The following GADD45A variants were observed in gnomAD, a reference collection of about 807,000 sequenced individuals.
GADD45A encodes the protein growth arrest and DNA damage-inducible protein GADD45 alpha.
In GADD45A, 9 loss-of-function variants were observed where a neutral mutation model predicts 17.7. The observed-to-expected ratio is 0.51, with a 90% CI of 0.31 to 0.89. The LOEUF is 0.89. Ranked by LOEUF, GADD45A falls within the 40% of genes least tolerant of loss-of-function variation. The probability of loss-of-function intolerance (pLI) is 0.05; values close to 1 mark genes in which losing one functional copy is unlikely to be tolerated. For missense variants in GADD45A, 149 were observed against 220.6 expected, an observed-to-expected ratio of 0.68 and a Z score of 2.06; for synonymous variants, 95 against 92.2, an observed-to-expected ratio of 1.03 and a Z score of -0.17.
chr1:67,685,202 G>A lies in GADD45A; in HGVS notation c.-293G>A. ...GGAGAGCGGGGCCCTTTGTCCTCCAGTGGCTGGTAGGCAGTGGCTGGGAGG... is the reference window on the plus strand; with the variant it reads ...GGAGAGCGGGGCCCTTTGTCCTCCAATGGCTGGTAGGCAGTGGCTGGGAGG... On this transcript the variant is annotated 5_prime_UTR_variant, in exon 1 of 4. It adds an upstream start codon to the 5' untranslated region. Coordinates refer to ENST00000370986, the MANE Select transcript of GADD45A (RefSeq NM_001924.4). 4.5e-6 allele frequency: 2 copies of A among 445,692 alleles called. No individual in the cohort carries two copies. Among genetic ancestry groups the A allele is most frequent in the Non-Finnish European group, 7.9e-6 (2 of 251,874 alleles). 27.6% of individuals were successfully genotyped at this position (445,692 alleles called of 1,614,324 possible). A position where few individuals can be genotyped will look rare whatever the true frequency, so the allele number is the denominator to read the frequency against.
At chr1:67,685,591 C>T (rs1171499673) in intron 1 of GADD45A, 53 bp downstream of exon 1, 1 of 1,553,972 alleles carries the variant, frequency 6.4e-7, no homozygotes, top group Non-Finnish European at 8.8e-7. Context: ...CTACCCCGCG[C>T]TCCCCGGTGC....
chr1:67,686,396 G>A lies in GADD45A; in HGVS notation c.193G>A (p.Asp65Asn). The change falls in exon 3 of 4, where the codon GAC becomes AAC. Residue 65 changes from aspartate (D) to asparagine (N), a missense_variant. Physicochemically the swap from Asp to Asn is conservative, Grantham distance 23. Transcript: ENST00000370986. ...VLCLLAADED[D>N]DRDVALQIHF... ...GTGCCTGCTGGCGGCGGACGAGGAC[G>A]ACGACAGAGATGTGGCTCTGCAGAT... The A allele has an allele frequency of 1.2e-6, 2 of 1,613,594 alleles. No individual in the cohort carries two copies. The highest frequency in any genetic ancestry group is 8.5e-7 in the Non-Finnish European group (1 of 1,179,812).
intron 3 of GADD45A, 81 bp from the exon 4 acceptor site, chr1:67,687,580 C>G: frequency 2.4e-6 from 2 of 847,532 alleles, no homozygotes. Flanking sequence ...ATAGAATGTT[C>G]AAGTGTTTTC....
At position 67,686,125 on chromosome 1, in the gene GADD45A, G is replaced by A. The variant is rs1484801582; in HGVS notation, c.145G>A (p.Val49Ile). Residue 49 changes from valine to isoleucine, a missense_variant and splice_region_variant, in exon 2 of 4, where the codon GTC (valine) becomes ATC (isoleucine). Physicochemically the swap from Val to Ile is conservative, Grantham distance 29. Transcript: ENST00000370986. ...GTACGAAGCGGCCAAGCTGCTCAACGTGTAAGTGGGGCCCTTGCGCGTCCC... is the reference window on the plus strand; with the variant it reads ...GTACGAAGCGGCCAAGCTGCTCAACATGTAAGTGGGGCCCTTGCGCGTCCC... Reference protein sequence around the residue: ...GVYEAAKLLNVDPDNVVLCLL... With the variant: ...GVYEAAKLLNIDPDNVVLCLL... 1.2e-6 allele frequency: 2 copies of A among 1,608,248 alleles called. No individual in the cohort carries two copies. The highest frequency in any genetic ancestry group is 8.5e-7 in the Non-Finnish European group (1 of 1,176,846).
rs781106505 is a variant in GADD45A, at chr1:67,685,571, C to A, written c.44+33C>A. The A allele has an allele frequency of 1.2e-5, 19 of 1,586,084 alleles. No individual in the cohort carries two copies. The South Asian group carries it at 1.5e-4, about 12-fold the overall frequency. Reference sequence around the variant, plus strand: ...GGCCTGCGGACTCTTCCGGCCCGAACTTCTCTTACCTACCCCGCGCTCCCC... The same window carrying A: ...GGCCTGCGGACTCTTCCGGCCCGAAATTCTCTTACCTACCCCGCGCTCCCC... On this transcript the variant is annotated intron_variant, in intron 1 of 3. Coordinates refer to ENST00000370986, the MANE Select transcript of GADD45A (RefSeq NM_001924.4).
intron 1 of GADD45A, 121 bp downstream of exon 1, chr1:67,685,659 C>G: frequency 1.1e-6 from 1 of 938,326 alleles, no homozygotes; most frequent in Non-Finnish European, 1.7e-6. Context: ...CAGGGCAACT[C>G]CCGCCCTTGC....
Position 67,685,387 on chromosome 1 carries a change from C to G in GADD45A, c.-108C>G. On this transcript the variant is annotated 5_prime_UTR_variant, in exon 1 of 4. Transcript: ENST00000370986. ...CGGAGAGCGCCAGGGCCTGAGCTGC[C>G]GGAGCGGCGCCTGTGAGTGAGTGCA... 2.8e-6 allele frequency: 3 copies of G among 1,062,192 alleles called. No individual in the cohort carries two copies. Among genetic ancestry groups the G allele is most frequent in the African/African-American group, 3.3e-5 (2 of 61,224 alleles). 65.8% of individuals were successfully genotyped at this position (1,062,192 alleles called of 1,614,324 possible).
At chr1:67,686,272 C>G in intron 2 of GADD45A, 78 bp from the exon 3 acceptor site, 1 of 1,415,150 alleles carries the variant, frequency 7.1e-7, no homozygotes, top group Non-Finnish European at 9.7e-7. Context: ...GCGGGCCGGG[C>G]GGCGACCCCC....
At chr1:67,686,191 G>C in intron 2 of GADD45A, 65 bp downstream of exon 2, 1 of 1,444,532 alleles carries the variant, frequency 6.9e-7, no homozygotes, top group Non-Finnish European at 9.5e-7. Flanking sequence ...AGGTCGCCTT[G>C]GCTGGGCGCC....
In GADD45A at chr1:67,688,114, A is replaced by G. The variant is rs2100648335; in HGVS notation, c.*340A>G. 1 of 190,226 alleles carries G rather than the reference A, an allele frequency of 5.3e-6. No homozygotes were observed. 11.8% of individuals were successfully genotyped at this position (190,226 alleles called of 1,614,324 possible). On this transcript the variant is annotated 3_prime_UTR_variant, in exon 4 of 4. Transcript: ENST00000370986. The stretch of plus-strand genomic sequence containing the variant: ...TATGTTAAAGTTTAAGTGTGCAGCC[A>G]TAGTTTGGGTATTTTTGGTTTATAT...
chr1:67,685,533 C>T lies in GADD45A; in HGVS notation c.39C>T (p.Thr13=), dbSNP rs750587473. ...AATTCTCGGCTGGAGAGCAGAAGAC[C>T]GAAAGGTGAGTCGGCCTGCGGACTC... ...LEEFSAGEQK[T]ERMDKVGDAL... is the part of the protein sequence containing the mutation. Residue 13 remains threonine (T), a synonymous_variant, in exon 1 of 4, where the codon ACC becomes ACT. Coordinates refer to ENST00000370986, the MANE Select transcript of GADD45A (RefSeq NM_001924.4). 6.8e-6 allele frequency: 11 copies of T among 1,608,692 alleles called. No homozygotes were observed. Among genetic ancestry groups the T allele is most frequent in the Non-Finnish European group, 9.3e-6 (11 of 1,177,294 alleles).
chr1:67,685,355 G>T lies in GADD45A; in HGVS notation c.-140G>T. ...AGGAGGAGGAGCCCGGGCGGGCGAG[G>T]GGCGGCCGGAGAGCGCCAGGGCCTG... On this transcript the variant is annotated 5_prime_UTR_variant, in exon 1 of 4. Coordinates refer to ENST00000370986, the MANE Select transcript of GADD45A (RefSeq NM_001924.4). 1 of 694,488 alleles carries T rather than the reference G, an allele frequency of 1.4e-6. No individual in the cohort carries two copies. The allele number at this position is 694,488 out of a possible 1,614,324, so 43.0% of individuals were successfully genotyped here.
intron 1 of GADD45A, 148 bp downstream of exon 1, chr1:67,685,686 G>T: frequency 2.6e-6 from 2 of 770,380 alleles, no homozygotes; most frequent in East Asian, 2.8e-5. Context: ...GGGACTCTCC[G>T]TGGAGCTCCC....
intron 2 of GADD45A, 56 bp downstream of exon 2, chr1:67,686,182 G>A: frequency 6.8e-7 from 1 of 1,480,192 alleles, no homozygotes; most frequent in Non-Finnish European, 9.3e-7. Context: ...CAGCCCGGGA[G>A]GTCGCCTTGG....
At position 67,688,318 on chromosome 1, in the gene GADD45A, TATGAATAATTGC is replaced by T. The variant is rs1235852361; in HGVS notation, c.*547_*558del. 2 of 153,020 alleles carry T rather than the reference TATGAATAATTGC, an allele frequency of 1.3e-5. No homozygotes were observed. The highest frequency in any genetic ancestry group is 2.9e-5 in the Non-Finnish European group (2 of 68,314). 9.5% of individuals were successfully genotyped at this position (153,020 alleles called of 1,614,324 possible). On this transcript the variant is annotated 3_prime_UTR_variant, in exon 4 of 4. Coordinates refer to ENST00000370986, the MANE Select transcript of GADD45A (RefSeq NM_001924.4). ...AAACACAATACCTACAATAAACTGGTATGAATAATTGCATCATTTCTTATTGTGTGCTCTTGT... is the reference window on the plus strand; with the variant it reads ...AAACACAATACCTACAATAAACTGGTATCATTTCTTATTGTGTGCTCTTGT...
rs1570460285 is a variant in GADD45A at position 67,687,923 on chromosome 1, G to A, written c.*149G>A. The A allele has an allele frequency of 5.7e-6, 3 of 530,922 alleles. No individual in the cohort carries two copies. In the East Asian group the frequency reaches 8.6e-5, roughly 15 times the overall value. 32.9% of individuals were successfully genotyped at this position (530,922 alleles called of 1,614,324 possible). On this transcript the variant is annotated 3_prime_UTR_variant, in exon 4 of 4. Coordinates refer to ENST00000370986, the MANE Select transcript of GADD45A (RefSeq NM_001924.4). ...AGTGAGTTCAACTACATGTTCTGGG[G>A]GCCCGGAGATAGATGACTTTGCAGA...
intron 3 of GADD45A, 30 bp downstream of exon 3, chr1:67,686,617 G>C: frequency 6.3e-7 from 1 of 1,577,004 alleles, no homozygotes; most frequent in South Asian, 1.1e-5. Flanking sequence ...CAGCCTGCAG[G>C]GTAGAGCCCC....
At chr1:67,687,466 T>G (rs995357824) in intron 3 of GADD45A, among the ~76,000 whole-genome samples, 195 bp from the exon 4 acceptor site, 18 of 152,228 alleles carry the variant, frequency 1.2e-4, no homozygotes, top group African/African-American at 4.3e-4. Context: ...ATGTGTAGTT[T>G]AATAGGTAAT....
chr1:67,686,374 C>T lies in GADD45A; in HGVS notation c.171C>T (p.Cys57=), dbSNP rs200324982. 4.5e-5 allele frequency: 73 copies of T among 1,613,428 alleles called. No homozygotes were observed. In the East Asian group the frequency reaches 1.5e-3, roughly 33 times the overall value. Residue 57 remains cysteine (C), a synonymous_variant, in exon 3 of 4, where the codon TGC becomes TGT. Coordinates refer to ENST00000370986, the MANE Select transcript of GADD45A (RefSeq NM_001924.4). ...LNVDPDNVVL[C]LLAADEDDDR... ...GCGACCCCGATAACGTGGTGTTGTG[C>T]CTGCTGGCGGCGGACGAGGACGACG...
Sources: gnomAD v4.1 joint callset for allele counts (sites outside exome capture counted in the v4.1 genomes callset) on GRCh38, gnomAD v4.1.1 for gene constraint, MANE v1.5 for transcripts, NCBI Gene and HGNC (gene_info 2026-07-23, HGNC 2026-07-21) for gene names.